PLA2G2C: variants seen among roughly 807,000 people sequenced by gnomAD.
PLA2G2C encodes putative inactive group IIC secretory phospholipase A2.
PLA2G2C carries 15 observed loss-of-function variants against 14.3 expected under a neutral mutation model. The ratio of observed to expected loss-of-function variants is 1.05; its 90% CI spans 0.70 to 1.62. The LOEUF (loss-of-function observed/expected upper bound fraction) is 1.62, where lower values mean the gene tolerates loss of function less well. PLA2G2C is among the 40% of genes most tolerant of loss of function. The pLI, the probability that PLA2G2C is intolerant of heterozygous loss-of-function variation, is 0.00. For synonymous variants in PLA2G2C, 79 were observed against 67.7 expected, an observed-to-expected ratio of 1.17 and a Z score of -0.82; for missense variants, 162 against 173.2, an observed-to-expected ratio of 0.94 and a Z score of 0.36.
chr1:20,185,451 C>G (rs911802807), intron 1 of PLA2G2C, among the ~76,000 whole-genome samples: 1 of 152,058 alleles, frequency 6.6e-6, no homozygotes, highest in Non-Finnish European at 1.5e-5. Context: ...GACAGGAAAC[C>G]CAAAGATGGT....
At chr1:20,182,866 G>C (rs972920741) in intron 1 of PLA2G2C, among the ~76,000 whole-genome samples, 21 of 152,234 alleles carry the variant, frequency 1.4e-4, no homozygotes, top group Admixed American at 1.3e-4. Flanking sequence ...AAGAAACCGG[G>C]GCCCCCGCCT....
Position 20,163,892 on chromosome 1 carries a change from G to C in PLA2G2C, c.*99C>G, listed in dbSNP as rs1314315604. ...GGGAGACATTTTGTCCTCCCTCCCA[G>C]TGGAAGAACAGGGGCCTGTTGGGGA... On this transcript the variant is annotated 3_prime_UTR_variant, in exon 5 of 5. Coordinates refer to ENST00000679259, the MANE Select transcript of PLA2G2C (RefSeq NM_001367969.2). 3 of 1,339,788 alleles carry C rather than the reference G, an allele frequency of 2.2e-6. No individual in the cohort carries two copies. The highest frequency in any genetic ancestry group is 3.0e-5 in the African/African-American group (2 of 67,428). 83.0% of individuals were successfully genotyped at this position (1,339,788 alleles called of 1,614,324 possible). A position where few individuals can be genotyped will look rare whatever the true frequency, so the allele number is the denominator to read the frequency against.
At position 20,164,033 on chromosome 1, in the gene PLA2G2C, G is replaced by A. The variant is rs777882558; in HGVS notation, c.408C>T (p.Phe136=). The A allele has an allele frequency of 1.9e-6, 3 of 1,613,610 alleles. No homozygotes were observed. Among genetic ancestry groups the A allele is most frequent in the South Asian group, 2.2e-5 (2 of 90,944 alleles). Residue 136 remains phenylalanine, a synonymous_variant, in exon 5 of 5, where the codon TTC becomes TTT. Coordinates refer to ENST00000679259, the MANE Select transcript of PLA2G2C (RefSeq NM_001367969.2). ...GTCTGCCACACCTGGGCTGGCTGGA[G>A]AACTGCTTGAAGTTTTTCTCATAGG... is the stretch of plus-strand genomic sequence containing the variant. ...LPTYEKNFKQ[F]SSQPRCGRHK...
chr1:20,164,239 A>G lies in PLA2G2C; in HGVS notation c.284-82T>C, dbSNP rs1028236428. 5.7e-6 allele frequency: 8 copies of G among 1,414,492 alleles called. No individual in the cohort carries two copies. The African/African-American group carries it at 1.1e-4, about 20-fold the overall frequency. 87.6% of individuals were successfully genotyped at this position (1,414,492 alleles called of 1,614,324 possible). The stretch of plus-strand genomic sequence containing the variant: ...TAAGGCTGGGGAGAACTGGGAGCTC[A>G]CTGTAAGGGGCCAAGGGTTAAGGAC... On this transcript the variant is annotated intron_variant, in intron 4 of 4. Transcript: ENST00000679259.
intron 4 of PLA2G2C, among the ~76,000 whole-genome samples, chr1:20,165,937 G>A (rs192883829): frequency 4.6e-5 from 7 of 152,306 alleles, no homozygotes; most frequent in Admixed American, 3.9e-4. Flanking sequence ...CCAGACGCCC[G>A]GTTTATGACC....
intron 1 of PLA2G2C, chr1:20,184,151 C>G (rs1375909406): frequency 1.3e-5 from 2 of 152,140 alleles, no homozygotes; most frequent in African/African-American, 4.8e-5. Context: ...TTAAACAGAC[C>G]GCCATTTCAC....
At chr1:20,171,540 G>C (rs368600290) in intron 4 of PLA2G2C, among the ~76,000 whole-genome samples, 21 of 152,222 alleles carry the variant, frequency 1.4e-4, no homozygotes, top group East Asian at 9.7e-4. Flanking sequence ...GGAGACCAGG[G>C]TTCTGAGCCC....
Position 20,163,780 on chromosome 1 carries a change from A to G in PLA2G2C, c.*211T>C, listed in dbSNP as rs1393730655. On this transcript the variant is annotated 3_prime_UTR_variant, in exon 5 of 5. Coordinates refer to ENST00000679259, the MANE Select transcript of PLA2G2C (RefSeq NM_001367969.2). Reference sequence around the variant, plus strand: ...CCAGCTCCTGCAGGGCAGGCATCTCATCTTTCCCATTTCTGCTCTCCAGCC... The same window carrying G: ...CCAGCTCCTGCAGGGCAGGCATCTCGTCTTTCCCATTTCTGCTCTCCAGCC... The G allele has an allele frequency of 1.8e-6, 1 of 569,690 alleles. No homozygotes were observed. The highest frequency in any genetic ancestry group is 3.0e-6 in the Non-Finnish European group (1 of 328,154). 35.3% of individuals were successfully genotyped at this position (569,690 alleles called of 1,614,324 possible).
Position 20,170,729 on chromosome 1 carries a change from G to A in PLA2G2C, c.283+2065C>T, listed in dbSNP as rs577717523. Reference sequence around the variant, plus strand: ...GGTGCTGATGCCCTGGTACTGATGCGGAAGCCTCCTCCCACGCTAGTGCCC... The same window carrying A: ...GGTGCTGATGCCCTGGTACTGATGCAGAAGCCTCCTCCCACGCTAGTGCCC... On this transcript the variant is annotated intron_variant, in intron 4 of 4. Coordinates refer to ENST00000679259, the MANE Select transcript of PLA2G2C (RefSeq NM_001367969.2). Among the ~76,000 whole-genome samples the A allele has an allele frequency of 7.6e-5, 11 of 143,950 alleles. No individual in the cohort carries two copies. In the East Asian group the frequency reaches 1.4e-3, roughly 19 times the overall value. 94.4% of individuals were successfully genotyped at this position (143,950 alleles called of 152,430 possible). A position where few individuals can be genotyped will look rare whatever the true frequency, so the allele number is the denominator to read the frequency against.
intron 4 of PLA2G2C, among the ~76,000 whole-genome samples, chr1:20,165,811 G>C (rs114072525): frequency 2.0e-5 from 3 of 151,374 alleles, no homozygotes; most frequent in Admixed American, 2.0e-4. Context: ...GTGTTTGTGC[G>C]TGTGTGTGTG....
chr1:20,170,018 C>T (rs945174573), intron 4 of PLA2G2C, among the ~76,000 whole-genome samples: 10 of 152,184 alleles, frequency 6.6e-5, no homozygotes, highest in Admixed American at 2.6e-4. Context: ...ACAGGGCACC[C>T]GGGGTTTGAA....
chr1:20,178,052 T>C (rs954731060), intron 1 of PLA2G2C, among the ~76,000 whole-genome samples: 1 of 152,206 alleles, frequency 6.6e-6, no homozygotes, highest in Non-Finnish European at 1.5e-5. Context: ...TTCCTCATGA[T>C]CACATAGCTG....
intron 4 of PLA2G2C, among the ~76,000 whole-genome samples, chr1:20,166,598 C>T (rs1404914605): frequency 6.6e-6 from 1 of 152,230 alleles, no homozygotes; most frequent in East Asian, 1.9e-4. Flanking sequence ...TCACCTTCCT[C>T]AGCCACCTTC....
intron 4 of PLA2G2C, among the ~76,000 whole-genome samples, chr1:20,170,491 G>A (rs111480260): frequency 5.4e-4 from 82 of 152,290 alleles, no homozygotes; most frequent in African/African-American, 1.9e-3. Context: ...GCACAGCACC[G>A]GCACTGGGCG....
chr1:20,181,592 C>T (rs1042945261), intron 1 of PLA2G2C, among the ~76,000 whole-genome samples: 3 of 151,972 alleles, frequency 2.0e-5, no homozygotes, highest in Admixed American at 6.6e-5. Flanking sequence ...GCCCAAGCAG[C>T]GAAGCAGGTA....
In PLA2G2C at chr1:20,163,853, G is replaced by A. The variant is rs894632883; in HGVS notation, c.*138C>T. On this transcript the variant is annotated 3_prime_UTR_variant, in exon 5 of 5. Coordinates refer to ENST00000679259, the MANE Select transcript of PLA2G2C (RefSeq NM_001367969.2). ...GTCCCCTTGGTCAGAATGCTGAAGG[G>A]TGAGCTGCCCTGCGGGAGACATTTT... is the stretch of plus-strand genomic sequence containing the variant. The A allele has an allele frequency of 2.1e-6, 2 of 975,000 alleles. No homozygotes were observed. Among genetic ancestry groups the A allele is most frequent in the Non-Finnish European group, 2.9e-6 (2 of 678,612 alleles). The allele number at this position is 975,000 out of a possible 1,614,324, so 60.4% of individuals were successfully genotyped here. A position where few individuals can be genotyped will look rare whatever the true frequency, so the allele number is the denominator to read the frequency against.
chr1:20,165,851 C>T (rs557255335), intron 4 of PLA2G2C, among the ~76,000 whole-genome samples: 1 of 152,138 alleles, frequency 6.6e-6, no homozygotes, highest in Non-Finnish European at 1.5e-5. Context: ...GTTTAGGGCT[C>T]TCAGGTACAG....
At chr1:20,185,179 C>A (rs554776875) in intron 1 of PLA2G2C, among the ~76,000 whole-genome samples, 26 of 152,086 alleles carry the variant, frequency 1.7e-4, no homozygotes, top group African/African-American at 6.3e-4. Context: ...GAGAGAGAAC[C>A]CAGTGGTCGG....
At chr1:20,165,444 T>G (rs1164471666) in intron 4 of PLA2G2C, among the ~76,000 whole-genome samples, 1 of 152,196 alleles carries the variant, frequency 6.6e-6, no homozygotes, top group Non-Finnish European at 1.5e-5. Flanking sequence ...ATAAGCTGTG[T>G]GCGGCTGAGA....
Sources: allele counts gnomAD v4.1 joint callset (sites outside exome capture counted in the v4.1 genomes callset), GRCh38; gene constraint gnomAD v4.1.1; transcripts MANE v1.5; gene names NCBI Gene and HGNC (gene_info 2026-07-23, HGNC 2026-07-21).